The following EPM2A variants were observed in gnomAD, a reference collection of about 807,000 sequenced individuals.
EPM2A encodes EPM2A glucan phosphatase, laforin.
Under a neutral mutation model 26.5 loss-of-function variants are expected in EPM2A, and 21 were observed. The ratio of observed to expected loss-of-function variants is 0.79; its 90% CI spans 0.56 to 1.14. EPM2A has a LOEUF of 1.14. Ranked by LOEUF, EPM2A falls within the 50% of genes most tolerant of loss-of-function variation. EPM2A has a pLI of 0.00. For synonymous variants in EPM2A, 217 were observed against 177.6 expected, an observed-to-expected ratio of 1.22 and a Z score of -1.76; for missense variants, 458 against 440.8, an observed-to-expected ratio of 1.04 and a Z score of -0.35.
At chr6:145,735,894 A>G (rs1464697214), upstream of EPM2A, 1 of 152,360 alleles carries the variant, frequency 6.6e-6, no homozygotes, top group East Asian at 1.9e-4. Context: ...GAGGATCATA[A>G]GGAAGGGAAT....
intron 4 of EPM2A, among the ~76,000 whole-genome samples, chr6:145,418,737 T>C (rs1319876078): frequency 6.6e-6 from 1 of 152,170 alleles, no homozygotes; most frequent in African/African-American, 2.4e-5. Flanking sequence ...CTGAATCTGA[T>C]TTTTAAGCAG....
intron 2 of EPM2A, among the ~76,000 whole-genome samples, chr6:145,522,225 T>C (rs1377221391): frequency 1.3e-5 from 2 of 152,212 alleles, no homozygotes; most frequent in Non-Finnish European, 2.9e-5. Context: ...GTGCTGGGAT[T>C]ACAGGCATGA....
At chr6:145,412,059 T>C (rs535128785) in intron 4 of EPM2A, among the ~76,000 whole-genome samples, 2 of 151,754 alleles carry the variant, frequency 1.3e-5, no homozygotes, top group South Asian at 4.2e-4. Context: ...CTACTAAAAG[T>C]ACAAAAAATT....
At chr6:145,565,361 G>A (rs1443464449) in intron 2 of EPM2A, among the ~76,000 whole-genome samples, 3 of 152,158 alleles carry the variant, frequency 2.0e-5, no homozygotes, top group East Asian at 1.9e-4. Flanking sequence ...CAGGGTACCC[G>A]TGCAGCTGTA....
Position 145,657,278 on chromosome 6 carries a change from C to G in EPM2A, c.477-21792G>C, listed in dbSNP as rs140764288. Among the ~76,000 whole-genome samples, 1,217 of 151,930 alleles carry G rather than the reference C, an allele frequency of 8.0e-3. 18 individuals are homozygous for G. The highest frequency in any genetic ancestry group is 0.028 in the African/African-American group (1,164 of 41,436). On this transcript the variant is annotated intron_variant, in intron 2 of 3. Coordinates refer to ENST00000367519, the MANE Select transcript of EPM2A (RefSeq NM_005670.4). ...CTAATTTTTGTATTTTTGGTAGAGA[C>G]GGAGTTTCACCATATTGGCCAGGCC...
intron 4 of EPM2A, among the ~76,000 whole-genome samples, chr6:145,405,928 CATTA>C (rs1171157437): frequency 6.6e-6 from 1 of 150,986 alleles, no homozygotes; most frequent in Non-Finnish European, 1.5e-5. Flanking sequence ...CATTCCTGAA[CATTA>C]ATTGCTTATG....
At chr6:145,597,084 CG>C (rs1216804507) in intron 2 of EPM2A, among the ~76,000 whole-genome samples, 2 of 151,024 alleles carry the variant, frequency 1.3e-5, no homozygotes, top group Non-Finnish European at 3.0e-5. Context: ...TTAGTAGAGA[CG>C]GGGTTTCACC....
intron 4 of EPM2A, among the ~76,000 whole-genome samples, chr6:145,396,894 A>G (rs531861123): frequency 6.6e-6 from 1 of 152,298 alleles, no homozygotes; most frequent in Non-Finnish European, 1.5e-5. Context: ...AACATCACAG[A>G]TAGGGGAGCT....
intron 4 of EPM2A, among the ~76,000 whole-genome samples, chr6:145,424,995 T>A (rs1778834229): frequency 6.6e-6 from 1 of 152,230 alleles, no homozygotes; most frequent in Non-Finnish European, 1.5e-5. Context: ...TCTATTTATC[T>A]AATCTACGTA....
At chr6:145,655,900 T>A (rs555403627) in intron 2 of EPM2A, among the ~76,000 whole-genome samples, 119 of 152,298 alleles carry the variant, frequency 7.8e-4, no homozygotes, top group Non-Finnish European at 1.4e-3. Context: ...ATAAGCTTAG[T>A]TCTTAGTGTT....
intron 4 of EPM2A, among the ~76,000 whole-genome samples, chr6:145,400,595 C>A (rs544360061): frequency 9.2e-5 from 14 of 151,722 alleles, no homozygotes; most frequent in Admixed American, 7.3e-4. Flanking sequence ...TTACTGAGTG[C>A]CTTTGTGTCC....
chr6:145,517,791 A>G (rs953436165), intron 2 of EPM2A, among the ~76,000 whole-genome samples: 8 of 152,170 alleles, frequency 5.3e-5, no homozygotes, highest in South Asian at 2.1e-4. Context: ...CTATTTGAAC[A>G]GAAATATGGG....
chr6:145,675,898 C>A (rs1779998443), intron 2 of EPM2A, among the ~76,000 whole-genome samples: 1 of 152,112 alleles, frequency 6.6e-6, no homozygotes, highest in Admixed American at 6.6e-5. Flanking sequence ...ACAAGGATAT[C>A]CAGGACTTGA....
intron 1 of EPM2A, among the ~76,000 whole-genome samples, chr6:145,703,529 CT>C (rs1288146752): frequency 6.6e-6 from 1 of 152,140 alleles, no homozygotes; most frequent in African/African-American, 2.4e-5. Context: ...TTATAAACAA[CT>C]TTAAACAGCC....
chr6:145,583,206 G>A lies in EPM2A; in HGVS notation c.340+52039C>T, dbSNP rs963141537. Among the ~76,000 whole-genome samples the A allele has an allele frequency of 8.5e-5, 13 of 152,288 alleles. No individual in the cohort carries two copies. The East Asian group carries it at 2.3e-3, about 27-fold the overall frequency. On this transcript the variant is annotated intron_variant, in intron 2 of 3. Coordinates refer to the EPM2A transcript ENST00000450221. ...GAACCATTGCTGTGGAACTAGTGTGGTCATTTGGAGGTAAGAAGACACTCT... is the reference window on the plus strand; with the variant it reads ...GAACCATTGCTGTGGAACTAGTGTGATCATTTGGAGGTAAGAAGACACTCT...
chr6:145,588,523 G>A (rs1004484165), intron 2 of EPM2A, among the ~76,000 whole-genome samples: 2 of 152,136 alleles, frequency 1.3e-5, no homozygotes, highest in East Asian at 3.8e-4. Context: ...AAAGTGTTAA[G>A]AAAAATGTTA....
chr6:145,691,837 A>C (rs1781300055), intron 1 of EPM2A, among the ~76,000 whole-genome samples: 1 of 152,066 alleles, frequency 6.6e-6, no homozygotes, highest in African/African-American at 2.4e-5. Context: ...AAAAGGAGGA[A>C]GAGAAAACAA....
In EPM2A at chr6:145,419,987, T is replaced by C. The variant is rs1002606258; in HGVS notation, c.556-35890A>G. On this transcript the variant is annotated intron_variant, in intron 4 of 4. Transcript: ENST00000638717. ...AAGGGCTGTCATTTAGTTTTTTGCATTGCTGGCTTCTTTTGCTGGAAAATG... is the reference window on the plus strand; with the variant it reads ...AAGGGCTGTCATTTAGTTTTTTGCACTGCTGGCTTCTTTTGCTGGAAAATG... 2.2e-4 allele frequency among the ~76,000 whole-genome samples: 34 copies of C among 152,178 alleles called. 1 individual carries two copies. Among genetic ancestry groups the C allele is most frequent in the South Asian group, 2.1e-4 (1 of 4,836 alleles).
At chr6:145,524,561 C>A (rs1288005770) in intron 2 of EPM2A, among the ~76,000 whole-genome samples, 11 of 151,940 alleles carry the variant, frequency 7.2e-5, no homozygotes. Context: ...GTTTGTTGGC[C>A]ACTTGTATGT....
Sources: allele counts gnomAD v4.1 joint callset (sites outside exome capture counted in the v4.1 genomes callset), GRCh38; gene constraint gnomAD v4.1.1; transcripts MANE v1.5; gene names NCBI Gene and HGNC (gene_info 2026-07-23, HGNC 2026-07-21).